The following ZC3HAV1 variants were observed in gnomAD, a reference collection of about 807,000 sequenced individuals.
The protein encoded by ZC3HAV1 is zinc finger CCCH-type containing, antiviral 1, also known as zinc finger CCCH-type antiviral protein 1.
A neutral mutation model predicts 86.6 loss-of-function variants in ZC3HAV1; 41 were observed. That is an observed-to-expected ratio of 0.47 (90% CI 0.37 to 0.61). The LOEUF (loss-of-function observed/expected upper bound fraction) is 0.61, where lower values mean the gene tolerates loss of function less well. ZC3HAV1 is among the 20% of genes least tolerant of loss of function. The probability of loss-of-function intolerance (pLI) is 0.00; values close to 1 mark genes in which losing one functional copy is unlikely to be tolerated. For missense variants in ZC3HAV1, 964 were observed against 1,141.1 expected, an observed-to-expected ratio of 0.84 and a Z score of 2.24; for synonymous variants, 421 against 432.1, an observed-to-expected ratio of 0.97 and a Z score of 0.32.
chr7:139,104,721 C>CAAAAAAAAA (rs1157897700), intron 1 of ZC3HAV1, among the ~76,000 whole-genome samples: 11 of 19,236 alleles, frequency 5.7e-4, no homozygotes, highest in Non-Finnish European at 1.1e-3. Flanking sequence ...GACTCTGTCA[C>CAAAAAAAAA]AAAAAAAAAA....
chr7:139,058,450 C>A (rs921214919), intron 9 of ZC3HAV1, among the ~76,000 whole-genome samples: 31 of 148,614 alleles, frequency 2.1e-4, no homozygotes, highest in Non-Finnish European at 4.3e-4. Context: ...ACCCCCCCCC[C>A]CCCCACAAAA....
At chr7:139,057,376 A>T (rs1816316134) in intron 9 of ZC3HAV1, among the ~76,000 whole-genome samples, 1 of 151,692 alleles carries the variant, frequency 6.6e-6, no homozygotes, top group Non-Finnish European at 1.5e-5. Flanking sequence ...AAAAATTTAG[A>T]GGTGATGGTA....
Position 139,053,957 on chromosome 7 carries a change from C to T in ZC3HAV1, c.2318+8G>A, listed in dbSNP as rs2130666184. 1.2e-6 allele frequency: 2 copies of T among 1,601,978 alleles called. No homozygotes were observed. The highest frequency in any genetic ancestry group is 1.1e-5 in the South Asian group (1 of 87,446). On this transcript the variant is annotated splice_region_variant and intron_variant, in intron 11 of 12. Transcript: ENST00000242351. ...TATGTAAAGAAACACGATAACGTGG[C>T]CACCAACCATGTAAATTTATCCAGG...
Position 139,108,992 on chromosome 7 carries a change from C to A in ZC3HAV1, c.308+32G>T. On this transcript the variant is annotated intron_variant, in intron 1 of 12. Transcript: ENST00000242351. This position sits in a 1 kb window ranked among gnomAD's most constrained non-coding sequence, Gnocchi z 4.2. ...GGACAGTCCACCCCGACCACGGCTGCGGACAGCGCCCCTCCCTCCGGGTGC... is the reference window on the plus strand; with the variant it reads ...GGACAGTCCACCCCGACCACGGCTGAGGACAGCGCCCCTCCCTCCGGGTGC... 1 of 1,512,076 alleles carries A rather than the reference C, an allele frequency of 6.6e-7. No individual in the cohort carries two copies. 93.7% of individuals were successfully genotyped at this position (1,512,076 alleles called of 1,614,324 possible).
intron 7 of ZC3HAV1, among the ~76,000 whole-genome samples, chr7:139,067,720 T>C (rs576800305): frequency 1.2e-4 from 18 of 152,286 alleles, no homozygotes; most frequent in Non-Finnish European, 1.9e-4. Context: ...TAAATTTATA[T>C]ACAAAAAGAC....
intron 1 of ZC3HAV1, among the ~76,000 whole-genome samples, chr7:139,101,442 C>A (rs1466046374): frequency 8.3e-6 from 1 of 121,094 alleles, no homozygotes; most frequent in African/African-American, 3.2e-5. Context: ...GCGGGGAGCG[C>A]CTCTGCCCTG....
rs546747147 is a variant in ZC3HAV1, at chr7:139,076,198, T to A, written c.1697+88A>T. On this transcript the variant is annotated intron_variant, in intron 6 of 12. Coordinates refer to ENST00000242351, the MANE Select transcript of ZC3HAV1 (RefSeq NM_020119.4). Reference sequence around the variant, plus strand: ...CGAATGGGATTCTGATGGAAAAGTGTTTTTTTCTTTTTCCCCTGAGCCTAG... The same window carrying A: ...CGAATGGGATTCTGATGGAAAAGTGATTTTTTCTTTTTCCCCTGAGCCTAG... 5.1e-6 allele frequency: 8 copies of A among 1,561,444 alleles called. No individual in the cohort carries two copies. In the Admixed American group the frequency reaches 1.3e-4, roughly 26 times the overall value.
intron 4 of ZC3HAV1, 172 bp downstream of exon 4, chr7:139,079,298 C>G (rs1203565775): frequency 6.5e-7 from 1 of 1,538,064 alleles, no homozygotes; most frequent in South Asian, 1.2e-5. Flanking sequence ...GTTCCTCAGA[C>G]TCTGACTTCC....
chr7:139,104,042 T>C (rs1817853588), intron 1 of ZC3HAV1, among the ~76,000 whole-genome samples: 1 of 152,172 alleles, frequency 6.6e-6, no homozygotes, highest in African/African-American at 2.4e-5. Context: ...TCTGTTATGA[T>C]TGTTTAGTAT....
intron 1 of ZC3HAV1, among the ~76,000 whole-genome samples, chr7:139,091,874 C>G (rs925003732): frequency 3.3e-5 from 5 of 152,178 alleles, no homozygotes; most frequent in African/African-American, 7.2e-5. Context: ...AGCTGTTGTA[C>G]TTGAGCGAGT....
intron 2 of ZC3HAV1, among the ~76,000 whole-genome samples, chr7:139,086,683 C>T (rs762339664): frequency 1.3e-5 from 2 of 152,148 alleles, no homozygotes; most frequent in East Asian, 1.9e-4. Context: ...ATAATCCCCA[C>T]GTGTCATGGG....
Position 139,109,023 on chromosome 7 carries a change from C to A in ZC3HAV1, c.308+1G>T. ...GCGCCCCTCCCTCCGGGTGCACTCA[C>A]CGCTCGGACTGCGAATAGTTGCACC... On this transcript the variant is annotated splice_donor_variant, in intron 1 of 12. Coordinates refer to ENST00000242351, the MANE Select transcript of ZC3HAV1 (RefSeq NM_020119.4). LOFTEE classifies it high-confidence loss of function. 1.3e-6 allele frequency: 2 copies of A among 1,553,096 alleles called. No individual in the cohort carries two copies. The highest frequency in any genetic ancestry group is 1.7e-6 in the Non-Finnish European group (2 of 1,143,814).
rs774951736 is a variant in ZC3HAV1 at position 139,047,837 on chromosome 7, T to G, written c.2466A>C (p.Lys822Asn). 2 of 1,611,474 alleles carry G rather than the reference T, an allele frequency of 1.2e-6. No individual in the cohort carries two copies. Among genetic ancestry groups the G allele is most frequent in the South Asian group, 2.2e-5 (2 of 90,404 alleles). The change falls in exon 13 of 13, where the codon AAA (lysine) becomes AAC (asparagine). Residue 822 changes from lysine to asparagine, a missense_variant. By Grantham distance (94) the Lys-to-Asn change is moderately conservative. Transcript: ENST00000242351. ...AATTTTTGTGGGAATAGATGGCATC[T>G]TTTGCAAAGTAAATTCCTAGAAAGA... ...NKYGKGIYFAKDAIYSHKNCP... is the reference protein window; with the variant it reads ...NKYGKGIYFANDAIYSHKNCP...
Position 139,109,078 on chromosome 7 carries a change from A to C in ZC3HAV1, c.254T>G (p.Leu85Arg). 1 of 1,589,746 alleles carries C rather than the reference A, an allele frequency of 6.3e-7. No individual in the cohort carries two copies. The highest frequency in any genetic ancestry group is 1.7e-4 in the Middle Eastern group (1 of 6,026). Reference protein sequence around the residue: ...RKYCQRPCDNLHLCKLNLLGR... With the variant: ...RKYCQRPCDNRHLCKLNLLGR... ...CAGCAAGTTGAGTTTGCAGAGATGC[A>C]GGTTATCGCAGGGTCTCTGGCAGTA... The change falls in exon 1 of 13, where the codon CTG becomes CGG. Residue 85 changes from leucine to arginine, a missense_variant. Physicochemically the swap from Leu to Arg is moderately radical, Grantham distance 102. Coordinates refer to ENST00000242351, the MANE Select transcript of ZC3HAV1 (RefSeq NM_020119.4).
In ZC3HAV1 at chr7:139,083,958, G is replaced by T; in HGVS notation, c.519C>A (p.Ile173=). 1 of 1,614,150 alleles carries T rather than the reference G, an allele frequency of 6.2e-7. No homozygotes were observed. Among genetic ancestry groups the T allele is most frequent in the Non-Finnish European group, 8.5e-7 (1 of 1,180,026 alleles). The change falls in exon 3 of 13, where the codon ATC becomes ATA. Residue 173 remains isoleucine (I), a synonymous_variant. Coordinates refer to ENST00000242351, the MANE Select transcript of ZC3HAV1 (RefSeq NM_020119.4). ...AGTTCCCTCGGGTGAAGTGGTCACA[G>T]ATGTGGAGTCTTGAACACGGTGGCT... is the stretch of plus-strand genomic sequence containing the variant. ...NQQPPCSRLH[I]CDHFTRGNCR... is the part of the protein sequence containing the mutation.
chr7:139,076,028 G>A (rs150886454), intron 6 of ZC3HAV1, among the ~76,000 whole-genome samples: 1 of 152,130 alleles, frequency 6.6e-6, no homozygotes, highest in Non-Finnish European at 1.5e-5. Context: ...TCATGTCACT[G>A]TTTGTTTCAT....
chr7:139,063,027 C>CAAAAAAAAAA (rs58859916), intron 8 of ZC3HAV1, among the ~76,000 whole-genome samples: 8 of 68,078 alleles, frequency 1.2e-4, no homozygotes, highest in East Asian at 4.3e-4. Flanking sequence ...GACTCTGTCT[C>CAAAAAAAAAA]AAAAAAAAAA....
intron 1 of ZC3HAV1, among the ~76,000 whole-genome samples, chr7:139,099,684 C>T (rs1434963457): frequency 2.6e-5 from 4 of 152,114 alleles, no homozygotes; most frequent in East Asian, 1.9e-4. Context: ...AGTTTTACTT[C>T]GGGAGGCCCA....
intron 1 of ZC3HAV1, among the ~76,000 whole-genome samples, chr7:139,098,022 G>A (rs1289210160): frequency 1.3e-5 from 2 of 151,850 alleles, no homozygotes; most frequent in African/African-American, 4.8e-5. Flanking sequence ...TCGACTTACT[G>A]CAACCTCCAC....
Sources: allele counts gnomAD v4.1 joint callset (sites outside exome capture counted in the v4.1 genomes callset), GRCh38; gene constraint gnomAD v4.1.1; non-coding constraint Gnocchi (gnomAD v3.1); transcripts MANE v1.5; gene names NCBI Gene and HGNC (gene_info 2026-07-23, HGNC 2026-07-21).